The following NDUFS4 variants were observed in gnomAD, a reference collection of about 807,000 sequenced individuals.
The protein encoded by NDUFS4 is NADH dehydrogenase [ubiquinone] iron-sulfur protein 4, mitochondrial.
In NDUFS4, 28 loss-of-function variants were observed where a neutral mutation model predicts 24.3. The ratio of observed to expected loss-of-function variants is 1.15; its 90% CI spans 0.85 to 1.58. The LOEUF is 1.58. Among genes scored for constraint, NDUFS4 ranks in the 40% most tolerant of loss-of-function variants. NDUFS4 has a pLI of 0.00. For synonymous variants in NDUFS4, 93 were observed against 69.7 expected (o/e 1.34, Z -1.67); for missense variants, 223 against 207.9 (o/e 1.07, Z -0.45).
chr5:53,565,884 A>G (rs933525828), intron 1 of NDUFS4, among the ~76,000 whole-genome samples: 1 of 152,150 alleles, frequency 6.6e-6, no homozygotes, highest in Non-Finnish European at 1.5e-5. Context: ...TTAAAAAGTC[A>G]GTAATACGGC....
chr5:53,616,080 C>T (rs1022598828), intron 2 of NDUFS4, among the ~76,000 whole-genome samples: 7 of 151,704 alleles, frequency 4.6e-5, no homozygotes, highest in Admixed American at 4.6e-4. Context: ...GCCTAGGTTG[C>T]TCTGAGATTA....
At chr5:53,631,049 CTAT>C (rs1479517840) in intron 2 of NDUFS4, among the ~76,000 whole-genome samples, 1 of 152,096 alleles carries the variant, frequency 6.6e-6, no homozygotes, top group Non-Finnish European at 1.5e-5. Context: ...TGTTGGTGAC[CTAT>C]GGATGGGGTT....
intron 4 of NDUFS4, among the ~76,000 whole-genome samples, chr5:53,665,890 G>A (rs1312179162): frequency 1.3e-5 from 2 of 152,220 alleles, no homozygotes; most frequent in Non-Finnish European, 2.9e-5. Context: ...AGTTGGAAAT[G>A]CAGAAATCAC....
chr5:53,609,621 G>A (rs368541764), intron 2 of NDUFS4, among the ~76,000 whole-genome samples: 108 of 152,222 alleles, frequency 7.1e-4, no homozygotes, highest in African/African-American at 2.5e-3. Context: ...GAAGCCAGGC[G>A]TTGACTTCTC....
chr5:53,661,459 G>C (rs1752340665), intron 4 of NDUFS4, among the ~76,000 whole-genome samples: 1 of 152,094 alleles, frequency 6.6e-6, no homozygotes, highest in Non-Finnish European at 1.5e-5. Context: ...TGTTCTTTTG[G>C]CTTAGGATTG....
At chr5:53,638,165 CAT>C (rs1184709824) in intron 2 of NDUFS4, among the ~76,000 whole-genome samples, 23 of 152,018 alleles carry the variant, frequency 1.5e-4, no homozygotes, top group Admixed American at 1.5e-3. Flanking sequence ...ATAATATACT[CAT>C]AGATAATAAT....
intron 4 of NDUFS4, among the ~76,000 whole-genome samples, chr5:53,662,090 T>A (rs1752359626): frequency 6.6e-6 from 1 of 152,222 alleles, no homozygotes; most frequent in South Asian, 2.1e-4. Context: ...TCAAAGGGAA[T>A]GTTTCCAGTT....
At chr5:53,658,784 CAAAAAAAAAAAA>C (rs35754713) in intron 4 of NDUFS4, 160 bp downstream of exon 4, 2 of 138,398 alleles carry the variant, frequency 1.4e-5, no homozygotes, top group African/African-American at 3.5e-5. Flanking sequence ...CACCCACCTC[CAAAAAAAAAAAA>C]AAAAAAAACC....
chr5:53,613,957 G>T (rs1255984515), intron 2 of NDUFS4, among the ~76,000 whole-genome samples: 3 of 151,808 alleles, frequency 2.0e-5, no homozygotes, highest in Non-Finnish European at 2.9e-5. Flanking sequence ...AAAAGTGATT[G>T]CTTTACATGT....
chr5:53,569,681 T>A (rs1422069923), intron 1 of NDUFS4, among the ~76,000 whole-genome samples: 1 of 152,146 alleles, frequency 6.6e-6, no homozygotes, highest in Admixed American at 6.5e-5. Flanking sequence ...ATAGAACAAG[T>A]TTAACCCCGT....
intron 2 of NDUFS4, among the ~76,000 whole-genome samples, chr5:53,619,780 C>T (rs1750974745): frequency 2.6e-5 from 4 of 151,982 alleles, no homozygotes; most frequent in African/African-American, 9.7e-5. Flanking sequence ...TATAATGTGA[C>T]TATATTTCTT....
intron 1 of NDUFS4, among the ~76,000 whole-genome samples, chr5:53,601,670 A>G (rs1478381525): frequency 6.6e-6 from 1 of 152,062 alleles, no homozygotes; most frequent in Non-Finnish European, 1.5e-5. Flanking sequence ...AAAATTCCCA[A>G]AACAAACAAT....
chr5:53,601,068 G>A (rs1018113531), intron 1 of NDUFS4, among the ~76,000 whole-genome samples: 4 of 148,062 alleles, frequency 2.7e-5, no homozygotes, highest in Admixed American at 6.8e-5. Flanking sequence ...GCAGTGGCGC[G>A]ATCTCAGCTC....
intron 2 of NDUFS4, among the ~76,000 whole-genome samples, chr5:53,613,164 A>G (rs1314587156): frequency 1.3e-5 from 2 of 152,082 alleles, no homozygotes; most frequent in Non-Finnish European, 2.9e-5. Flanking sequence ...TGGCAGTGCT[A>G]TCTCTGCTAG....
chr5:53,671,982 G>A (rs1740267693), intron 4 of NDUFS4, among the ~76,000 whole-genome samples: 1 of 152,076 alleles, frequency 6.6e-6, no homozygotes, highest in South Asian at 2.1e-4. Flanking sequence ...GACAAGCTGT[G>A]AAACTGCATT....
At chr5:53,618,365 A>G (rs1750919131) in intron 2 of NDUFS4, among the ~76,000 whole-genome samples, 1 of 151,508 alleles carries the variant, frequency 6.6e-6, no homozygotes, top group Admixed American at 6.6e-5. Flanking sequence ...GTTAGCCTGG[A>G]GAGAGAAGCA....
At chr5:53,657,697 G>T (rs552549457) in intron 3 of NDUFS4, among the ~76,000 whole-genome samples, 5 of 152,076 alleles carry the variant, frequency 3.3e-5, no homozygotes, top group African/African-American at 1.2e-4. Context: ...GGCTGAGGCA[G>T]GTAGATCACT....
rs759573527 is a variant in NDUFS4 at position 53,683,203 on chromosome 5, A to AAGAGT, written c.512_516dup (p.Ser173GlufsTer18). On this transcript the variant is annotated frameshift_variant, in exon 5 of 5. Transcript: ENST00000296684. LOFTEE classifies it high-confidence loss of function. ...CAAACTTTTCTTGGAACAAAAGAAC[A>AAGAGT]AGAGTATCCACAAAATAGGTTGGCA... 5 of 1,609,138 alleles carry AAGAGT rather than the reference A, an allele frequency of 3.1e-6. No homozygotes were observed. The Admixed American group carries it at 5.0e-5, about 16-fold the overall frequency.
At chr5:53,626,537 C>T (rs933401270) in intron 2 of NDUFS4, among the ~76,000 whole-genome samples, 1 of 152,186 alleles carries the variant, frequency 6.6e-6, no homozygotes, top group Non-Finnish European at 1.5e-5. Flanking sequence ...TCCTCTCCAG[C>T]ATCTGTTGTT....
Sources: allele counts gnomAD v4.1 joint callset (sites outside exome capture counted in the v4.1 genomes callset), GRCh38; gene constraint gnomAD v4.1.1; transcripts MANE v1.5; gene names NCBI Gene and HGNC (gene_info 2026-07-23, HGNC 2026-07-21).